SSBP3: variants seen among roughly 807,000 people sequenced by gnomAD.
The protein encoded by SSBP3 is single stranded DNA binding protein 3.
SSBP3 carries 5 observed loss-of-function variants against 69.6 expected under a neutral mutation model. That is an observed-to-expected ratio of 0.07 (90% CI 0.04 to 0.15). The LOEUF (loss-of-function observed/expected upper bound fraction) is 0.15, where lower values mean the gene tolerates loss of function less well. Among genes scored for constraint, SSBP3 ranks in the 10% least tolerant of loss-of-function variants. The pLI is 1.00. For missense variants in SSBP3, 312 were observed against 534.0 expected, an observed-to-expected ratio of 0.58 and a Z score of 4.10; for synonymous variants, 196 against 193.4, an observed-to-expected ratio of 1.01 and a Z score of -0.11.
intron 4 of SSBP3, among the ~76,000 whole-genome samples, chr1:54,338,791 G>C (rs1006391432): frequency 6.6e-6 from 1 of 152,172 alleles, no homozygotes; most frequent in Non-Finnish European, 1.5e-5. Context: ...GGGCAGAAGA[G>C]AGTGACACCC....
At chr1:54,270,785 C>T (rs1429948407) in intron 5 of SSBP3, among the ~76,000 whole-genome samples, 1 of 152,202 alleles carries the variant, frequency 6.6e-6, no homozygotes, top group East Asian at 1.9e-4. Flanking sequence ...ACGGCATTCT[C>T]GCAGCCGACC....
rs568357592 is a variant in SSBP3, at chr1:54,228,201, G to C, written c.1137+54C>G. The C allele has an allele frequency of 1.2e-4, 184 of 1,537,566 alleles. 2 individuals are homozygous for C. The African/African-American group carries it at 2.2e-3, about 18-fold the overall frequency. The stretch of plus-strand genomic sequence containing the variant: ...GGCTCCGTAGCTCGCAACTTGTTAG[G>C]AAAGAGTCCCCAGGCCGTGGGGACG... On this transcript the variant is annotated intron_variant, in intron 17 of 17. Coordinates refer to ENST00000610401, the Ensembl canonical transcript of SSBP3.
intron 4 of SSBP3, among the ~76,000 whole-genome samples, chr1:54,401,121 C>T (rs762068699): frequency 1.3e-5 from 2 of 152,152 alleles, no homozygotes; most frequent in Non-Finnish European, 2.9e-5. Flanking sequence ...GACTGCAACC[C>T]AGGTTTGAAA....
chr1:54,306,189 A>T (rs1210468618), intron 4 of SSBP3, among the ~76,000 whole-genome samples: 2 of 152,220 alleles, frequency 1.3e-5, no homozygotes, highest in Admixed American at 6.5e-5. Context: ...TCTTGCCGGC[A>T]GCACAGCACA....
chr1:54,241,402 C>A lies in SSBP3; in HGVS notation c.801+72G>T, dbSNP rs1014454270. 5 of 1,531,072 alleles carry A rather than the reference C, an allele frequency of 3.3e-6. No individual in the cohort carries two copies. The African/African-American group carries it at 6.8e-5, about 21-fold the overall frequency. 94.8% of individuals were successfully genotyped at this position (1,531,072 alleles called of 1,614,324 possible). On this transcript the variant is annotated intron_variant, in intron 12 of 17. Transcript: ENST00000610401. ...TGTGTGAAAGGGAAAGAAACGGGGA[C>A]CCCAGACCAGTTCTCTTGCACACTC... is the stretch of plus-strand genomic sequence containing the variant.
chr1:54,281,862 T>A (rs1307726455), intron 4 of SSBP3, among the ~76,000 whole-genome samples: 1 of 151,956 alleles, frequency 6.6e-6, no homozygotes, highest in Non-Finnish European at 1.5e-5. Flanking sequence ...TTTGGGAGGT[T>A]GAGGCTGGAG....
chr1:54,327,255 A>AGGAAGGAG (rs1646325207), intron 4 of SSBP3, among the ~76,000 whole-genome samples: 1 of 151,636 alleles, frequency 6.6e-6, no homozygotes, highest in South Asian at 2.1e-4. Context: ...GAAGGAAGGA[A>AGGAAGGAG]GGAAGGAAGG....
At chr1:54,406,225 C>G (rs1214695725) in exon 1 of SSBP3, 1 of 414,278 alleles carries the variant, frequency 2.4e-6, no homozygotes. Context: ...CGGCCGCGGC[C>G]CCATCGCCCT....
At chr1:54,309,703 A>T (rs1423813625) in intron 4 of SSBP3, among the ~76,000 whole-genome samples, 1 of 152,164 alleles carries the variant, frequency 6.6e-6, no homozygotes, top group African/African-American at 2.4e-5. Context: ...ACTCAGAAAT[A>T]ACCAAAAGCT....
chr1:54,315,134 A>C (rs943352405), intron 4 of SSBP3, among the ~76,000 whole-genome samples: 6 of 152,002 alleles, frequency 3.9e-5, no homozygotes, highest in African/African-American at 1.5e-4. Flanking sequence ...TACTGAACAA[A>C]ATGTTGAATC....
At chr1:54,231,887 T>TTTC (rs1284039260) in intron 14 of SSBP3, among the ~76,000 whole-genome samples, 6 of 151,922 alleles carry the variant, frequency 3.9e-5, no homozygotes, top group Admixed American at 2.0e-4. Flanking sequence ...AGAGACAGGG[T>TTTC]TTCACCACAT....
intron 5 of SSBP3, among the ~76,000 whole-genome samples, chr1:54,276,504 A>G (rs1645288080): frequency 1.4e-5 from 2 of 146,152 alleles, no homozygotes; most frequent in South Asian, 4.4e-4. Context: ...CCAGCTACTC[A>G]GGAGGCTTTG....
Position 54,340,536 on chromosome 1 carries a change from C to T in SSBP3, c.277-59009G>A, listed in dbSNP as rs60724732. 7.1e-3 allele frequency among the ~76,000 whole-genome samples: 1,085 copies of T among 152,306 alleles called. 19 individuals are homozygous for T. The highest frequency in any genetic ancestry group is 0.025 in the African/African-American group (1,023 of 41,560). ...CCGTGAAACCCCAAAAGCAAGTCCA[C>T]GCACAGCAAGGAGAAATGAGTACAC... On this transcript the variant is annotated intron_variant, in intron 4 of 17. Transcript: ENST00000610401.
At chr1:54,361,520 C>A (rs956059733) in intron 4 of SSBP3, among the ~76,000 whole-genome samples, 1 of 152,058 alleles carries the variant, frequency 6.6e-6, no homozygotes, top group Admixed American at 6.5e-5. Context: ...AAACACTGCC[C>A]CCAATAGAGC....
chr1:54,240,079 T>TGCGCGC (rs1340814156), intron 13 of SSBP3, among the ~76,000 whole-genome samples: 947 of 32,762 alleles, frequency 0.029, 13 homozygotes, highest in Middle Eastern at 0.09. Flanking sequence ...TGTGTGTGTG[T>TGCGCGC]GTGTGTGTGC....
intron 14 of SSBP3, among the ~76,000 whole-genome samples, chr1:54,232,305 T>C (rs947146770): frequency 4.6e-5 from 7 of 152,226 alleles, no homozygotes; most frequent in Non-Finnish European, 1.0e-4. Flanking sequence ...ATTACATTAA[T>C]TATTTTTTAG....
At chr1:54,344,926 C>T (rs920980861) in intron 4 of SSBP3, among the ~76,000 whole-genome samples, 1 of 152,242 alleles carries the variant, frequency 6.6e-6, no homozygotes. Flanking sequence ...CATTAGTCCA[C>T]GTGCGTACAG....
chr1:54,367,178 C>T (rs548960525), intron 4 of SSBP3, among the ~76,000 whole-genome samples: 11 of 152,280 alleles, frequency 7.2e-5, no homozygotes, highest in Non-Finnish European at 1.5e-4. Context: ...TAAGCCAGTT[C>T]TTTTCCAAAA....
intron 14 of SSBP3, chr1:54,238,284 C>G (rs962377864): frequency 2.1e-6 from 1 of 471,000 alleles, no homozygotes; most frequent in African/African-American, 2.0e-5. Flanking sequence ...GGCCCTACCC[C>G]CTCAACCAGG....
Sources: allele counts gnomAD v4.1 joint callset (sites outside exome capture counted in the v4.1 genomes callset), GRCh38; gene constraint gnomAD v4.1.1; transcripts MANE v1.5; gene names NCBI Gene and HGNC (gene_info 2026-07-23, HGNC 2026-07-21).